The following INTS1 variants were observed in gnomAD, a reference collection of about 807,000 sequenced individuals.
INTS1 encodes integrator complex subunit 1.
A neutral mutation model predicts 241.6 loss-of-function variants in INTS1; 137 were observed. The observed-to-expected ratio is 0.57, with a 90% CI of 0.49 to 0.65. INTS1 has a LOEUF of 0.65. INTS1 is among the 30% of genes least tolerant of loss of function. The probability of loss-of-function intolerance (pLI) is 0.00; values close to 1 mark genes in which losing one functional copy is unlikely to be tolerated. For missense variants in INTS1, 3,073 were observed against 3,032.2 expected, an observed-to-expected ratio of 1.01 and a Z score of -0.32; for synonymous variants, 1,692 against 1,337.8, an observed-to-expected ratio of 1.26 and a Z score of -5.78.
intron 19 of INTS1, 72 bp downstream of exon 19, chr7:1,487,686 CCT>C (rs1782339329): frequency 6.4e-7 from 1 of 1,555,538 alleles, no homozygotes; most frequent in South Asian, 1.1e-5. Context: ...GCTCCTTCAG[CCT>C]CTGTCCCACC....
chr7:1,494,918 A>G (rs1213835870), intron 13 of INTS1, 25 bp from the exon 14 acceptor site: 1 of 1,551,346 alleles, frequency 6.4e-7, no homozygotes, highest in South Asian at 1.2e-5. Context: ...AAGAGCCCTC[A>G]GTCATGATGT....
intron 14 of INTS1, 35 bp downstream of exon 14, chr7:1,494,781 C>T (rs376766470): frequency 9.7e-6 from 15 of 1,544,982 alleles, no homozygotes; most frequent in African/African-American, 5.5e-5. Flanking sequence ...CCGCCCAGCC[C>T]GGCACACAGG....
In INTS1 at chr7:1,476,075, G is replaced by C. The variant is rs766795437; in HGVS notation, c.5379-4C>G. The C allele has an allele frequency of 6.5e-7, 1 of 1,540,590 alleles. No homozygotes were observed. The highest frequency in any genetic ancestry group is 1.2e-5 in the South Asian group (1 of 83,920). On this transcript the variant is annotated splice_region_variant and splice_polypyrimidine_tract_variant and intron_variant, in intron 38 of 47. Transcript: ENST00000404767. ...TCGGCAGCGCCTGCCCAGCACGCTG[G>C]AAGAGGTGGAGCAGGGCTCACCAGG...
chr7:1,493,032 C>T lies in INTS1; in HGVS notation c.2143G>A (p.Glu715Lys). ...VLNLCTYHHP[E>K]NIQLPPGYQP... ...TACCCCGGTGGGAGCTGGATGTTTT[C>T]AGGGTGATGGTAGGTGCACAGATTC... Residue 715 changes from glutamate (E) to lysine (K), a missense_variant, in exon 16 of 48, where the codon GAA becomes AAA. Physicochemically the swap from Glu to Lys is moderately conservative, Grantham distance 56. Transcript: ENST00000404767. This position sits in a 1 kb window ranked among gnomAD's most constrained non-coding sequence, Gnocchi z 5.3. 1 of 1,613,064 alleles carries T rather than the reference C, an allele frequency of 6.2e-7. No individual in the cohort carries two copies. The highest frequency in any genetic ancestry group is 8.5e-7 in the Non-Finnish European group (1 of 1,179,490).
rs751790889 is a variant in INTS1 at position 1,503,050 on chromosome 7, C to T, written c.200G>A (p.Ser67Asn). ...RKRDAAAALS[S>N]ASALTGLTKR... The stretch of plus-strand genomic sequence containing the variant: ...GGTGAGACCGGTGAGGGCCGAGGCA[C>T]TGGACAACGCGGCCGCCGCATCCCG... The change falls in exon 3 of 48, where the codon AGT becomes AAT. Residue 67 changes from serine (S) to asparagine (N), a missense_variant. Coordinates refer to ENST00000404767, the MANE Select transcript of INTS1 (RefSeq NM_001080453.3). 1 of 1,613,398 alleles carries T rather than the reference C, an allele frequency of 6.2e-7. No homozygotes were observed. The highest frequency in any genetic ancestry group is 1.7e-5 in the Admixed American group (1 of 59,994).
chr7:1,490,263 C>A (rs576946776), intron 16 of INTS1, among the ~76,000 whole-genome samples: 10 of 152,194 alleles, frequency 6.6e-5, no homozygotes, highest in Admixed American at 6.5e-4. Context: ...GAAGTGCGTC[C>A]GACCAAAACT....
At position 1,477,951 on chromosome 7, in the gene INTS1, AAG is replaced by A. The variant is rs898028284; in HGVS notation, c.4631-17_4631-16del. 5.6e-6 allele frequency: 9 copies of A among 1,611,158 alleles called. No individual in the cohort carries two copies. Among genetic ancestry groups the A allele is most frequent in the Non-Finnish European group, 6.8e-6 (8 of 1,178,758 alleles). ...CCCCTGGAGGACTGCGCAAGGGACA[AAG>A]AGACATGTGGGTCACTCCCAGGTCG... On this transcript the variant is annotated splice_polypyrimidine_tract_variant and intron_variant, in intron 33 of 47. Coordinates refer to ENST00000404767, the MANE Select transcript of INTS1 (RefSeq NM_001080453.3).
Position 1,493,876 on chromosome 7 carries a change from A to AG in INTS1, c.1945_1946insC (p.Leu649SerfsTer29). On this transcript the variant is annotated frameshift_variant, in exon 15 of 48. Transcript: ENST00000404767. LOFTEE classifies it high-confidence loss of function. This position sits in a 1 kb window ranked among gnomAD's most constrained non-coding sequence, Gnocchi z 5.3. ...CAGGATGCGCATCAGCGTGTCCTCC[A>AG]AAATGGGCACCTCGGAGCACAGACG... The AG allele has an allele frequency of 6.4e-7, 1 of 1,566,632 alleles. No individual in the cohort carries two copies. Among genetic ancestry groups the AG allele is most frequent in the Non-Finnish European group, 8.6e-7 (1 of 1,156,424 alleles).
intron 41 of INTS1, among the ~76,000 whole-genome samples, chr7:1,473,919 G>C (rs968736370): frequency 2.0e-5 from 3 of 152,248 alleles, no homozygotes; most frequent in Non-Finnish European, 2.9e-5. Flanking sequence ...GCTCGAGGTA[G>C]CACAAGCGAC....
At chr7:1,498,351 C>T in intron 10 of INTS1, 61 bp downstream of exon 10, 1 of 1,596,428 alleles carries the variant, frequency 6.3e-7, no homozygotes, top group Non-Finnish European at 8.5e-7. Flanking sequence ...CGCCACGTGC[C>T]CCTCCAGCCC....
chr7:1,485,567 A>G, intron 22 of INTS1, 98 bp from the exon 23 acceptor site: 1 of 1,300,646 alleles, frequency 7.7e-7, no homozygotes, highest in Admixed American at 2.3e-5. Context: ...CAGAGCCCCG[A>G]GGAGAATGTG....
chr7:1,484,248 G>T (rs1782140867), intron 24 of INTS1, 78 bp from the exon 25 acceptor site: 1 of 1,438,766 alleles, frequency 7.0e-7, no homozygotes, highest in Non-Finnish European at 9.5e-7. Context: ...CTCGTCGCAG[G>T]CACGCTCTCA....
rs1238907793 is a variant in INTS1, at chr7:1,486,777, G to T, written c.2827-3C>A. 6.2e-7 allele frequency: 1 copy of T among 1,611,998 alleles called. No individual in the cohort carries two copies. Among genetic ancestry groups the T allele is most frequent in the Non-Finnish European group, 8.5e-7 (1 of 1,179,662 alleles). On this transcript the variant is annotated splice_region_variant and splice_polypyrimidine_tract_variant and intron_variant, in intron 21 of 47. Transcript: ENST00000404767. ...AGCTGCCGCTGCTTCTGTTGCCTCT[G>T]CAGGGAGGAAGGGGCTCTCAGGGGT...
chr7:1,489,592 G>A lies in INTS1; in HGVS notation c.2256C>T (p.Ile752=), dbSNP rs779061679. ...ATGGGGCGGCCAGCAGAGGCTCACCGATGTTCTCTGGGTTGAATGCGGCGA... is the reference window on the plus strand; with the variant it reads ...ATGGGGCGGCCAGCAGAGGCTCACCAATGTTCTCTGGGTTGAATGCGGCGA... ...LVVAAFNPEN[I]GLAAWEEYPT... The change falls in exon 17 of 48, where the codon ATC becomes ATT. Residue 752 remains isoleucine, a splice_region_variant and synonymous_variant. Coordinates refer to ENST00000404767, the MANE Select transcript of INTS1 (RefSeq NM_001080453.3). 11 of 1,579,980 alleles carry A rather than the reference G, an allele frequency of 7.0e-6. No homozygotes were observed. The highest frequency in any genetic ancestry group is 4.6e-5 in the East Asian group (2 of 43,560).
chr7:1,494,347 C>A, intron 14 of INTS1: 1 of 251,308 alleles, frequency 4.0e-6, no homozygotes, highest in South Asian at 5.7e-5. Flanking sequence ...GCAGGGTGAA[C>A]TGGCAGGAGC....
rs767027292 is a variant in INTS1 at position 1,499,574 on chromosome 7, G to A, written c.743C>T (p.Thr248Met). 2.2e-5 allele frequency: 35 copies of A among 1,613,360 alleles called. No homozygotes were observed. The East Asian group carries it at 3.3e-4, about 15-fold the overall frequency. ...RIWVDSPHCK[T>M]FVDNIQTAFN... ...GGCCGTCTGGATGTTGTCCACAAAC[G>A]TCTTACAGTGAGGGCTGTCCACCCA... The change falls in exon 6 of 48, where the codon ACG becomes ATG. Residue 248 changes from threonine (T) to methionine (M), a missense_variant. Coordinates refer to ENST00000404767, the MANE Select transcript of INTS1 (RefSeq NM_001080453.3).
In INTS1 at chr7:1,483,988, C is replaced by T. The variant is rs762237128; in HGVS notation, c.3429+15G>A. The T allele has an allele frequency of 1.6e-5, 26 of 1,601,718 alleles. No homozygotes were observed. Among genetic ancestry groups the T allele is most frequent in the Non-Finnish European group, 2.1e-5 (25 of 1,173,082 alleles). The stretch of plus-strand genomic sequence containing the variant: ...CTCCTCGCCCTCACCCGGCCGTAGA[C>T]CTCCTCGCCCTCACCCAGCTGTAGA... On this transcript the variant is annotated intron_variant, in intron 25 of 47. Coordinates refer to ENST00000404767, the MANE Select transcript of INTS1 (RefSeq NM_001080453.3).
chr7:1,471,006 G>A (rs904822263), intron 46 of INTS1, 51 bp from the exon 47 acceptor site: 7 of 1,522,718 alleles, frequency 4.6e-6, no homozygotes, highest in Non-Finnish European at 6.2e-6. Flanking sequence ...GCCCACGCCA[G>A]ACCCCCACCC....
At position 1,487,110 on chromosome 7, in the gene INTS1, G is replaced by T; in HGVS notation, c.2647-9C>A. On this transcript the variant is annotated splice_polypyrimidine_tract_variant and intron_variant, in intron 20 of 47. Transcript: ENST00000404767. ...ATGGACTGCGAGGAGGCCTGGGCAG[G>T]CGACAGTGGCGCCCGCTCAGCACCT... The T allele has an allele frequency of 6.5e-7, 1 of 1,541,438 alleles. No individual in the cohort carries two copies.
Sources: allele counts gnomAD v4.1 joint callset (sites outside exome capture counted in the v4.1 genomes callset), GRCh38; gene constraint gnomAD v4.1.1; non-coding constraint Gnocchi (gnomAD v3.1); transcripts MANE v1.5; gene names NCBI Gene and HGNC (gene_info 2026-07-23, HGNC 2026-07-21).